The following ABCC12 variants were observed in gnomAD, a reference collection of about 807,000 sequenced individuals.
ABCC12 encodes the protein ATP binding cassette subfamily C member 12, also known as ATP-binding cassette sub-family C member 12.
Under a neutral mutation model 151.1 loss-of-function variants are expected in ABCC12, and 142 were observed. That is an observed-to-expected ratio of 0.94 (90% CI 0.82 to 1.08). The LOEUF is 1.08. ABCC12 is among the 50% of genes least tolerant of loss of function. The pLI, the probability that ABCC12 is intolerant of heterozygous loss-of-function variation, is 0.00. For missense variants in ABCC12, 1,638 were observed against 1,691.1 expected, an observed-to-expected ratio of 0.97 and a Z score of 0.55; for synonymous variants, 645 against 646.4, an observed-to-expected ratio of 1.00 and a Z score of 0.03.
At position 48,108,445 on chromosome 16, in the gene ABCC12, G is replaced by C. The variant is rs1567448703; in HGVS notation, c.2366C>G (p.Ser789Cys). 1 of 1,613,744 alleles carries C rather than the reference G, an allele frequency of 6.2e-7. No individual in the cohort carries two copies. Among genetic ancestry groups the C allele is most frequent in the Admixed American group, 1.7e-5 (1 of 59,994 alleles). Residue 789 changes from serine to cysteine, a missense_variant, in exon 19 of 31, where the codon TCT (serine) becomes TGT (cysteine). Ser to Cys is a moderately radical substitution (Grantham distance 112). Coordinates refer to ENST00000311303, the MANE Select transcript of ABCC12 (RefSeq NM_001393797.1). The stretch of plus-strand genomic sequence containing the variant: ...CTTGTTGTTTTATACTGAACCTCCA[G>C]AAGCCTTAATGTACGTGTGATATGT... ...WKTYHTYIKA[S>C]GGYLLSLFTV...
At chr16:48,153,278 G>A (rs949780574) in intron 2 of ABCC12, among the ~76,000 whole-genome samples, 1 of 152,184 alleles carries the variant, frequency 6.6e-6, no homozygotes, top group Non-Finnish European at 1.5e-5. Context: ...TCAGTGAAGG[G>A]TAGTTGGGAT....
intron 8 of ABCC12, among the ~76,000 whole-genome samples, chr16:48,135,144 C>T (rs938843026): frequency 6.6e-6 from 1 of 152,016 alleles, no homozygotes; most frequent in African/African-American, 2.4e-5. Context: ...ACTTCGCTTT[C>T]CTGAAATTTA....
chr16:48,091,644 GACCAGAAA>G (rs1962902313), intron 24 of ABCC12, among the ~76,000 whole-genome samples: 1 of 152,160 alleles, frequency 6.6e-6, no homozygotes, highest in South Asian at 2.1e-4. Flanking sequence ...ATCACCATGA[GACCAGAAA>G]ACCATCAAGC....
At chr16:48,148,998 T>C (rs901016017) in intron 2 of ABCC12, among the ~76,000 whole-genome samples, 4 of 151,948 alleles carry the variant, frequency 2.6e-5, no homozygotes, top group Admixed American at 2.0e-4. Flanking sequence ...GTTGAATGAA[T>C]GAATAATAGT....
chr16:48,107,291 C>T lies in ABCC12; in HGVS notation c.2475+31G>A, dbSNP rs1168565423. 7 of 1,584,990 alleles carry T rather than the reference C, an allele frequency of 4.4e-6. No individual in the cohort carries two copies. In the Admixed American group the frequency reaches 8.3e-5, roughly 19 times the overall value. Reference sequence around the variant, plus strand: ...AGAGTTTTACTCCAAGACACAGACTCGGCATCTTCCAATGCCAAAGGGAAA... The same window carrying T: ...AGAGTTTTACTCCAAGACACAGACTTGGCATCTTCCAATGCCAAAGGGAAA... On this transcript the variant is annotated intron_variant, in intron 20 of 30. Transcript: ENST00000311303.
At position 48,096,914 on chromosome 16, in the gene ABCC12, G is replaced by C. The variant is rs576249592; in HGVS notation, c.3039-12C>G. On this transcript the variant is annotated splice_polypyrimidine_tract_variant and intron_variant, in intron 23 of 30. Coordinates refer to ENST00000311303, the MANE Select transcript of ABCC12 (RefSeq NM_001393797.1). ...AGTAGAGGAGGTGACTGGAGTTTTC[G>C]TCGTTTAGCGTCTTAAACCTACAGT... 9.3e-6 allele frequency: 15 copies of C among 1,614,018 alleles called. No homozygotes were observed. The highest frequency in any genetic ancestry group is 1.3e-5 in the Non-Finnish European group (15 of 1,180,020).
intron 24 of ABCC12, among the ~76,000 whole-genome samples, chr16:48,094,948 A>G (rs1963040863): frequency 1.3e-5 from 2 of 152,238 alleles, no homozygotes; most frequent in Admixed American, 1.3e-4. Flanking sequence ...AGACAGATGG[A>G]CAAAACCAAT....
intron 13 of ABCC12, among the ~76,000 whole-genome samples, chr16:48,121,049 C>T (rs1325067045): frequency 6.6e-6 from 1 of 152,102 alleles, no homozygotes; most frequent in Non-Finnish European, 1.5e-5. Context: ...AGATCACTAA[C>T]GCCTATTTCT....
Position 48,104,353 on chromosome 16 carries a change from T to A in ABCC12, c.2689A>T (p.Met897Leu). ...TVFDKILKSPMSFFDTTPTGR... is the reference protein window; with the variant it reads ...TVFDKILKSPLSFFDTTPTGR... ...GTGGGAGTCGTGTCAAAGAAACTCA[T>A]TGGGCTCTTTAAGATCTGTGGAGAA... Residue 897 changes from methionine (M) to leucine (L), a missense_variant, in exon 22 of 31, where the codon ATG (methionine) becomes TTG (leucine). Transcript: ENST00000311303. 1.9e-6 allele frequency: 3 copies of A among 1,614,162 alleles called. No homozygotes were observed. The highest frequency in any genetic ancestry group is 2.5e-6 in the Non-Finnish European group (3 of 1,180,018).
At chr16:48,120,991 G>A (rs1482197999) in intron 13 of ABCC12, among the ~76,000 whole-genome samples, 1 of 152,028 alleles carries the variant, frequency 6.6e-6, no homozygotes, top group Non-Finnish European at 1.5e-5. Flanking sequence ...CAGTACTTTT[G>A]AAATATATAA....
At chr16:48,140,956 C>T (rs372449698) in intron 5 of ABCC12, 36 bp from the exon 6 acceptor site, 1 of 1,582,916 alleles carries the variant, frequency 6.3e-7, no homozygotes, top group Admixed American at 1.7e-5. Context: ...GAGAGGGCCA[C>T]TGAGGGCTGA....
intron 25 of ABCC12, 112 bp downstream of exon 25, chr16:48,091,008 G>T: frequency 1.9e-6 from 2 of 1,060,766 alleles, no homozygotes; most frequent in South Asian, 1.3e-5. Flanking sequence ...ACCACGCCCG[G>T]CCCGATTTCC....
intron 10 of ABCC12, among the ~76,000 whole-genome samples, chr16:48,130,418 T>C (rs1426353440): frequency 2.0e-5 from 3 of 152,172 alleles, no homozygotes; most frequent in African/African-American, 2.4e-5. Flanking sequence ...GACCCCAACA[T>C]CCTCTTCATC....
intron 2 of ABCC12, among the ~76,000 whole-genome samples, chr16:48,147,822 C>T (rs1454515923): frequency 6.6e-6 from 1 of 152,182 alleles, no homozygotes; most frequent in Non-Finnish European, 1.5e-5. Flanking sequence ...GTCTTCATCT[C>T]AAAAAGATAA....
intron 11 of ABCC12, among the ~76,000 whole-genome samples, chr16:48,126,287 C>T (rs1320592394): frequency 6.6e-6 from 1 of 152,178 alleles, no homozygotes; most frequent in Non-Finnish European, 1.5e-5. Flanking sequence ...AGTAAGAAGC[C>T]TTCTAGATTC....
intron 8 of ABCC12, among the ~76,000 whole-genome samples, chr16:48,137,101 G>A (rs1338575197): frequency 6.6e-6 from 1 of 152,016 alleles, no homozygotes; most frequent in South Asian, 2.1e-4. Context: ...CAGGAGGGAG[G>A]GGGAAGGCAG....
intron 14 of ABCC12, 132 bp downstream of exon 14, chr16:48,117,129 G>A (rs928163900): frequency 2.6e-6 from 2 of 778,872 alleles, no homozygotes; most frequent in South Asian, 4.4e-5. Context: ...AGAATGGGTG[G>A]AACCTGAGCT....
chr16:48,148,461 T>G (rs562400442), intron 2 of ABCC12, among the ~76,000 whole-genome samples: 1 of 152,052 alleles, frequency 6.6e-6, no homozygotes, highest in African/African-American at 2.4e-5. Flanking sequence ...GGTCTCAAAC[T>G]CCTGGGCTCA....
At chr16:48,142,186 G>A (rs1460229697) in intron 4 of ABCC12, among the ~76,000 whole-genome samples, 1 of 151,782 alleles carries the variant, frequency 6.6e-6, no homozygotes, top group African/African-American at 2.4e-5. Flanking sequence ...ATAGTGCTAA[G>A]TCTGGGGCCC....
Sources: gnomAD v4.1 joint callset for allele counts (sites outside exome capture counted in the v4.1 genomes callset) on GRCh38, gnomAD v4.1.1 for gene constraint, MANE v1.5 for transcripts, NCBI Gene and HGNC (gene_info 2026-07-23, HGNC 2026-07-21) for gene names.